Variants in JCAD observed in about 807,000 individuals in gnomAD.
The protein encoded by JCAD is junctional cadherin 5 associated.
A neutral mutation model predicts 98.0 loss-of-function variants in JCAD; 40 were observed. The ratio of observed to expected loss-of-function variants is 0.41; its 90% CI spans 0.32 to 0.53. The LOEUF (loss-of-function observed/expected upper bound fraction) is 0.53, where lower values mean the gene tolerates loss of function less well. JCAD is among the 20% of genes least tolerant of loss of function. The pLI, the probability that JCAD is intolerant of heterozygous loss-of-function variation, is 0.31. For synonymous variants in JCAD, 691 were observed against 682.3 expected, an observed-to-expected ratio of 1.01 and a Z score of -0.20; for missense variants, 1,705 against 1,738.1, an observed-to-expected ratio of 0.98 and a Z score of 0.34.
intron 2 of JCAD, among the ~76,000 whole-genome samples, chr10:30,042,497 A>G (rs1445989160): frequency 6.6e-6 from 1 of 152,164 alleles, no homozygotes; most frequent in East Asian, 1.9e-4. Context: ...CTAAGCCATC[A>G]AGGGGAGCAA....
At chr10:30,081,429 T>C (rs761450499) in intron 1 of JCAD, among the ~76,000 whole-genome samples, 2 of 152,006 alleles carry the variant, frequency 1.3e-5, no homozygotes, top group South Asian at 2.1e-4. Context: ...CTGAGCCCAA[T>C]GTTTGTTTTT....
At chr10:30,101,604 G>A (rs145315115) in intron 1 of JCAD, among the ~76,000 whole-genome samples, 5,354 of 152,096 alleles carry the variant, frequency 0.035, 148 homozygotes, top group East Asian at 0.11. Flanking sequence ...ATGACCTCAA[G>A]TGATCCACCT....
chr10:30,051,655 C>G (rs578174370), intron 1 of JCAD, among the ~76,000 whole-genome samples: 3 of 152,220 alleles, frequency 2.0e-5, no homozygotes, highest in Non-Finnish European at 2.9e-5. Flanking sequence ...CAACAGCAAA[C>G]TACAAATGGG....
intron 2 of JCAD, among the ~76,000 whole-genome samples, chr10:30,037,954 A>AAAC (rs1837150822): frequency 2.0e-5 from 3 of 151,580 alleles, no homozygotes; most frequent in Non-Finnish European, 4.4e-5. Context: ...AAAAAAAAAA[A>AAAC]AGTTGGAAGC....
At chr10:30,079,145 AG>A (rs1405531253) in intron 1 of JCAD, among the ~76,000 whole-genome samples, 1 of 152,090 alleles carries the variant, frequency 6.6e-6, no homozygotes, top group African/African-American at 2.4e-5. Flanking sequence ...GCAGATCACG[AG>A]GTCAGGAGAT....
intron 1 of JCAD, among the ~76,000 whole-genome samples, chr10:30,057,231 A>T (rs986433502): frequency 6.6e-6 from 1 of 152,212 alleles, no homozygotes; most frequent in South Asian, 2.1e-4. Flanking sequence ...ACTCCTAAGG[A>T]TGACTGGTGT....
chr10:30,109,841 C>G (rs771173299), intron 1 of JCAD, among the ~76,000 whole-genome samples: 10 of 152,076 alleles, frequency 6.6e-5, no homozygotes, highest in African/African-American at 9.6e-5. Context: ...TATGGACCAG[C>G]TGATGTGTGG....
intron 1 of JCAD, among the ~76,000 whole-genome samples, chr10:30,103,249 A>G (rs1020992527): frequency 1.3e-5 from 2 of 152,184 alleles, no homozygotes; most frequent in Non-Finnish European, 2.9e-5. Flanking sequence ...TATTGTGAAT[A>G]GTGCTTCAGT....
chr10:30,059,979 C>T (rs1837670873), upstream of JCAD, among the ~76,000 whole-genome samples: 1 of 152,052 alleles, frequency 6.6e-6, no homozygotes, highest in African/African-American at 2.4e-5. The surrounding 1 kb of genome is among the most constrained non-coding windows in gnomAD (Gnocchi z 5.0). Flanking sequence ...CACACAGTCA[C>T]AGACAAGTGC....
rs181867765 is a variant in JCAD at position 30,045,994 on chromosome 10, G to T, written c.281+1538C>A. ...CAAGGAAGGTCCTTTGTCTGCAAGGGTGACCTCGAACCATGGAAGGCGAGT... is the reference window on the plus strand; with the variant it reads ...CAAGGAAGGTCCTTTGTCTGCAAGGTTGACCTCGAACCATGGAAGGCGAGT... On this transcript the variant is annotated intron_variant, in intron 2 of 3. Transcript: ENST00000375377. 1.7e-4 allele frequency among the ~76,000 whole-genome samples: 26 copies of T among 152,302 alleles called. No homozygotes were observed. The East Asian group carries it at 4.8e-3, about 28-fold the overall frequency.
chr10:30,045,210 A>G (rs1371149517), intron 2 of JCAD, among the ~76,000 whole-genome samples: 1 of 152,074 alleles, frequency 6.6e-6, no homozygotes, highest in African/African-American at 2.4e-5. Flanking sequence ...TGGCGGCCAC[A>G]CTGCCCACAC....
intron 1 of JCAD, among the ~76,000 whole-genome samples, chr10:30,084,754 A>G (rs12356826): frequency 0.061 from 9,279 of 152,236 alleles, 360 homozygotes; most frequent in Middle Eastern, 0.13. Context: ...CCATAATGGC[A>G]TGAGCCAATT....
At chr10:30,094,024 A>G (rs1243150156) in intron 1 of JCAD, among the ~76,000 whole-genome samples, 1 of 152,174 alleles carries the variant, frequency 6.6e-6, no homozygotes, top group African/African-American at 2.4e-5. Flanking sequence ...TGAGGACTTA[A>G]CTATGAGATG....
chr10:30,048,346 C>T (rs545888462), intron 1 of JCAD, among the ~76,000 whole-genome samples: 1 of 152,304 alleles, frequency 6.6e-6, no homozygotes, highest in African/African-American at 2.4e-5. Context: ...GTAGACATAC[C>T]TTCTGCTCTA....
intron 1 of JCAD, among the ~76,000 whole-genome samples, chr10:30,077,467 A>G (rs1234543559): frequency 6.6e-6 from 1 of 152,140 alleles, no homozygotes; most frequent in Non-Finnish European, 1.5e-5. Context: ...TTAACCATTT[A>G]AAGTATACGT....
At chr10:30,094,278 C>A (rs1838332559) in intron 1 of JCAD, among the ~76,000 whole-genome samples, 1 of 134,610 alleles carries the variant, frequency 7.4e-6, no homozygotes. Flanking sequence ...CCTGTCTCTA[C>A]TAAAAAAAAA....
chr10:30,023,333 C>T (rs947120157), intron 3 of JCAD, among the ~76,000 whole-genome samples: 5 of 152,298 alleles, frequency 3.3e-5, no homozygotes, highest in South Asian at 2.1e-4. Flanking sequence ...CCACCACGCA[C>T]GGCCTGTACC....
Position 30,083,606 on chromosome 10 carries a change from T to G in JCAD, n.129-13785A>C, listed in dbSNP as rs530221226. ...AGAGACCGCTAAAGTTAAGCTAAAA[T>G]GCCTATAAGCAAATCTGTGTTTAAA... On this transcript the variant is annotated intron_variant and non_coding_transcript_variant, in intron 1 of 2. Coordinates refer to the JCAD transcript ENST00000465712. Among the ~76,000 whole-genome samples, 7 of 152,358 alleles carry G rather than the reference T, an allele frequency of 4.6e-5. No individual in the cohort carries two copies. In the East Asian group the frequency reaches 1.3e-3, roughly 29 times the overall value.
chr10:30,091,206 C>T (rs1412529153), intron 1 of JCAD, among the ~76,000 whole-genome samples: 1 of 152,154 alleles, frequency 6.6e-6, no homozygotes, highest in Non-Finnish European at 1.5e-5. Context: ...AGATGTGATT[C>T]TGGACGAGAT....
Sources: allele counts gnomAD v4.1 joint callset (sites outside exome capture counted in the v4.1 genomes callset), GRCh38; gene constraint gnomAD v4.1.1; non-coding constraint Gnocchi (gnomAD v3.1); transcripts MANE v1.5; gene names NCBI Gene and HGNC (gene_info 2026-07-23, HGNC 2026-07-21).